The following ARL15 variants were observed in gnomAD, a reference collection of about 807,000 sequenced individuals.
The protein encoded by ARL15 is ADP-ribosylation factor-like protein 15.
In ARL15, 19 loss-of-function variants were observed where a neutral mutation model predicts 25.2. That is an observed-to-expected ratio of 0.75 (90% confidence interval 0.53 to 1.10). The LOEUF (loss-of-function observed/expected upper bound fraction) is 1.10, where lower values mean the gene tolerates loss of function less well. Ranked by LOEUF, ARL15 falls within the 50% of genes least tolerant of loss-of-function variation. The probability of loss-of-function intolerance (pLI) is 0.00; values close to 1 mark genes in which losing one functional copy is unlikely to be tolerated. For missense variants in ARL15, 220 were observed against 246.0 expected (o/e 0.89, Z 0.71); for synonymous variants, 94 against 86.8 (o/e 1.08, Z -0.46).
chr5:54,062,474 T>C (rs1423910890), intron 4 of ARL15, among the ~76,000 whole-genome samples: 1 of 151,408 alleles, frequency 6.6e-6, no homozygotes, highest in Admixed American at 6.6e-5. Context: ...TCCTGCGCTG[T>C]TCTTGTGATA....
At chr5:53,958,076 G>T (rs1054780225) in intron 4 of ARL15, among the ~76,000 whole-genome samples, 5 of 151,950 alleles carry the variant, frequency 3.3e-5, no homozygotes, top group African/African-American at 9.7e-5. Flanking sequence ...CAGGCACGGT[G>T]GTGGCTGCCT....
chr5:54,269,715 G>A (rs1299824378), intron 1 of ARL15, among the ~76,000 whole-genome samples: 5 of 152,074 alleles, frequency 3.3e-5, no homozygotes, highest in South Asian at 2.1e-4. Flanking sequence ...GCGCGATCTC[G>A]GCCCACTGCA....
chr5:53,951,906 C>T (rs1469026928), intron 4 of ARL15, among the ~76,000 whole-genome samples: 1 of 135,296 alleles, frequency 7.4e-6, no homozygotes, highest in Non-Finnish European at 1.5e-5. Flanking sequence ...ACTCAAATTC[C>T]ATAAACAAAA....
At chr5:54,240,864 T>C (rs1756940730) in intron 1 of ARL15, among the ~76,000 whole-genome samples, 4 of 152,304 alleles carry the variant, frequency 2.6e-5, no homozygotes, top group Middle Eastern at 3.4e-3. Flanking sequence ...GTTTTGGGAT[T>C]TCAGATTTTT....
chr5:53,995,491 A>G (rs747966349), intron 4 of ARL15, among the ~76,000 whole-genome samples: 2 of 152,174 alleles, frequency 1.3e-5, no homozygotes, highest in Non-Finnish European at 2.9e-5. Flanking sequence ...TTGATGCCTC[A>G]CTACTCATAA....
At chr5:54,180,780 C>A (rs1755033340) in intron 1 of ARL15, among the ~76,000 whole-genome samples, 1 of 152,148 alleles carries the variant, frequency 6.6e-6, no homozygotes, top group Admixed American at 6.6e-5. Context: ...ATTATTTCTG[C>A]TTTGTTCTGG....
At chr5:54,114,348 G>A (rs1164987635) in intron 3 of ARL15, among the ~76,000 whole-genome samples, 1 of 136,082 alleles carries the variant, frequency 7.3e-6, no homozygotes, top group Non-Finnish European at 1.5e-5. Flanking sequence ...AGGTTGCAGT[G>A]AGCCAAGATC....
intron 4 of ARL15, among the ~76,000 whole-genome samples, chr5:54,004,918 C>T (rs16881969): frequency 0.16 from 24,111 of 152,096 alleles, 2,213 homozygotes; most frequent in East Asian, 0.45. Context: ...ATGTTTTCTG[C>T]TAACTTAATC....
intron 1 of ARL15, among the ~76,000 whole-genome samples, chr5:54,205,092 C>T (rs1016391191): frequency 6.6e-6 from 1 of 152,006 alleles, no homozygotes; most frequent in Non-Finnish European, 1.5e-5. Context: ...TGAGCCACCA[C>T]GCCTGGCCTC....
At chr5:53,908,435 T>C (rs1206003924) in intron 4 of ARL15, among the ~76,000 whole-genome samples, 1 of 152,176 alleles carries the variant, frequency 6.6e-6, no homozygotes, top group Non-Finnish European at 1.5e-5. Flanking sequence ...TACATTATAT[T>C]AGGTATTATA....
chr5:54,138,783 C>T (rs1753681285), intron 3 of ARL15, among the ~76,000 whole-genome samples: 1 of 152,046 alleles, frequency 6.6e-6, no homozygotes, highest in South Asian at 2.1e-4. Context: ...CAACAAAGGA[C>T]TAATATCCAG....
intron 3 of ARL15, among the ~76,000 whole-genome samples, chr5:54,128,213 T>C (rs1753320368): frequency 6.6e-6 from 1 of 152,224 alleles, no homozygotes; most frequent in Non-Finnish European, 1.5e-5. Flanking sequence ...TCCTTAATTT[T>C]ATTTTTTATA....
chr5:54,150,390 A>G (rs1754032334), intron 3 of ARL15, among the ~76,000 whole-genome samples: 1 of 152,216 alleles, frequency 6.6e-6, no homozygotes, highest in South Asian at 2.1e-4. Flanking sequence ...GACTTGAAAG[A>G]TCTCTAAATA....
chr5:54,216,653 A>ACC (rs1407139770), intron 1 of ARL15, among the ~76,000 whole-genome samples: 7 of 152,108 alleles, frequency 4.6e-5, no homozygotes, highest in South Asian at 4.2e-4. Context: ...ACACACACAC[A>ACC]CCTAATTAAA....
chr5:53,987,360 A>T (rs983148473), intron 4 of ARL15, among the ~76,000 whole-genome samples: 1 of 152,068 alleles, frequency 6.6e-6, no homozygotes, highest in African/African-American at 2.4e-5. Context: ...TTTTCTCTTC[A>T]TCTAGATCTA....
intron 4 of ARL15, among the ~76,000 whole-genome samples, chr5:53,976,582 C>T (rs1747932390): frequency 6.6e-6 from 1 of 152,140 alleles, no homozygotes; most frequent in Non-Finnish European, 1.5e-5. Context: ...GGCAAGCAGC[C>T]CCAAACCGTA....
chr5:54,063,072 A>G (rs1332044918), intron 4 of ARL15, among the ~76,000 whole-genome samples: 1 of 152,190 alleles, frequency 6.6e-6, no homozygotes, highest in Non-Finnish European at 1.5e-5. Flanking sequence ...ACATAACTTC[A>G]AAAAGAAATT....
intron 1 of ARL15, among the ~76,000 whole-genome samples, chr5:54,289,983 C>G (rs998400089): frequency 1.3e-5 from 2 of 152,180 alleles, no homozygotes; most frequent in African/African-American, 4.8e-5. Context: ...CTACAGATGC[C>G]TTGCATTCAG....
intron 1 of ARL15, among the ~76,000 whole-genome samples, chr5:54,188,618 C>T (rs1403495618): frequency 6.6e-6 from 1 of 152,130 alleles, no homozygotes; most frequent in African/African-American, 2.4e-5. Flanking sequence ...AGGATCAGGG[C>T]TCACTTGGGA....
Sources: allele counts gnomAD v4.1 joint callset (sites outside exome capture counted in the v4.1 genomes callset), GRCh38; gene constraint gnomAD v4.1.1; transcripts MANE v1.5; gene names NCBI Gene and HGNC (gene_info 2026-07-23, HGNC 2026-07-21).